USP42: variants seen among roughly 807,000 people sequenced by gnomAD.
USP42 encodes ubiquitin specific peptidase 42, also known as ubiquitin carboxyl-terminal hydrolase 42.
USP42 carries 23 observed loss-of-function variants against 113.0 expected under a neutral mutation model. That is an observed-to-expected ratio of 0.20 (90% CI 0.15 to 0.29). USP42 has a LOEUF of 0.29. Ranked by LOEUF, USP42 falls within the 10% of genes least tolerant of loss-of-function variation. The probability of loss-of-function intolerance (pLI) is 1.00; values close to 1 mark genes in which losing one functional copy is unlikely to be tolerated. For synonymous variants in USP42, 933 were observed against 699.0 expected, an observed-to-expected ratio of 1.33 and a Z score of -5.28; for missense variants, 2,174 against 1,779.8, an observed-to-expected ratio of 1.22 and a Z score of -3.99.
intron 1 of USP42, among the ~76,000 whole-genome samples, chr7:6,108,220 C>T (rs375750717): frequency 5.9e-5 from 9 of 151,940 alleles, no homozygotes; most frequent in South Asian, 2.1e-4. Flanking sequence ...AAAAAAATTA[C>T]AAGTAACAAA....
intron 17 of USP42, 76 bp from the exon 18 acceptor site, chr7:6,160,479 G>A (rs936152802): frequency 3.3e-5 from 5 of 152,174 alleles, no homozygotes; most frequent in African/African-American, 1.2e-4. Flanking sequence ...GGAGCAGCTG[G>A]CAGGGCGTCC....
intron 3 of USP42, among the ~76,000 whole-genome samples, chr7:6,122,789 A>T (rs117536319): frequency 0.027 from 4,119 of 150,806 alleles, 107 homozygotes; most frequent in East Asian, 0.068. Flanking sequence ...TTTTAAATAG[A>T]GATAGGGTCT....
At chr7:6,106,084 C>T (rs1281382776) in intron 1 of USP42, among the ~76,000 whole-genome samples, 4 of 152,128 alleles carry the variant, frequency 2.6e-5, no homozygotes, top group Non-Finnish European at 5.9e-5. Flanking sequence ...ATTCAAATTG[C>T]CTAGGGGATA....
At chr7:6,135,214 T>A (rs768988496) in intron 3 of USP42, among the ~76,000 whole-genome samples, 56 of 152,202 alleles carry the variant, frequency 3.7e-4, no homozygotes, top group Non-Finnish European at 4.4e-5. Flanking sequence ...GGCTTTCAAA[T>A]TTGAAAGAGT....
the USP42 span, among the ~76,000 whole-genome samples, chr7:6,097,732 A>C: frequency 6.7e-6 from 1 of 149,272 alleles, no homozygotes; most frequent in African/African-American, 2.5e-5. Context: ...CTGTGACTAC[A>C]GGCGGCCGCC....
chr7:6,111,483 A>C, intron 2 of USP42, 109 bp downstream of exon 2: 1 of 1,304,070 alleles, frequency 7.7e-7, no homozygotes, highest in South Asian at 1.5e-5. Flanking sequence ...AGGCCACCTG[A>C]GTGGCCAGCA....
In USP42 at chr7:6,155,184, C is replaced by T; in HGVS notation, c.3630C>T (p.Asp1210=). ...AGAAATCCAAAGACAAACACCGAGA[C>T]CGCGACTCCAGGTGAGCCTGGGGCC... is the stretch of plus-strand genomic sequence containing the variant. ...KKKKSKDKHR[D]RDSRHQQDSD... The change falls in exon 15 of 18, where the codon GAC becomes GAT. Residue 1210 remains aspartate, a synonymous_variant. Coordinates refer to ENST00000306177, the MANE Select transcript of USP42 (RefSeq NM_032172.3). 1 of 1,532,372 alleles carries T rather than the reference C, an allele frequency of 6.5e-7. No individual in the cohort carries two copies. The highest frequency in any genetic ancestry group is 2.4e-5 in the East Asian group (1 of 40,882). The allele number at this position is 1,532,372 out of a possible 1,614,324, so 94.9% of individuals were successfully genotyped here. A position where few individuals can be genotyped will look rare whatever the true frequency, so the allele number is the denominator to read the frequency against.
Position 6,147,784 on chromosome 7 carries a change from T to C in USP42, c.1278T>C (p.His426=). 6.2e-7 allele frequency: 1 copy of C among 1,605,896 alleles called. No homozygotes were observed. The highest frequency in any genetic ancestry group is 8.5e-7 in the Non-Finnish European group (1 of 1,174,030). ...GAGGTGAACTTACTCATCCCACCCA[T>C]AGCCCCGGCCAGTCCTCTCCCCGCC... is the stretch of plus-strand genomic sequence containing the variant. ...KNGGELTHPT[H]SPGQSSPRPV... The change falls in exon 12 of 18, where the codon CAT becomes CAC. Residue 426 remains histidine, a synonymous_variant. Coordinates refer to ENST00000306177, the MANE Select transcript of USP42 (RefSeq NM_032172.3).
intron 13 of USP42, 26 bp from the exon 14 acceptor site, chr7:6,150,386 C>G (rs1781975841): frequency 1.2e-6 from 2 of 1,612,522 alleles, no homozygotes; most frequent in Non-Finnish European, 1.7e-6. Flanking sequence ...GCGACTGAAG[C>G]TGAAATATTT....
At chr7:6,100,004 C>CTATTTTTATTTTTATTAT (rs141280623), upstream of USP42, among the ~76,000 whole-genome samples, 1 of 144,290 alleles carries the variant, frequency 6.9e-6, no homozygotes, top group Non-Finnish European at 1.5e-5. Context: ...TTTCACAAGT[C>CTATTTTTATTTTTATTAT]TATTATTATT....
In USP42 at chr7:6,153,823, G is replaced by T. The variant is rs752593817; in HGVS notation, c.2269G>T (p.Ala757Ser). 1 of 1,534,440 alleles carries T rather than the reference G, an allele frequency of 6.5e-7. No homozygotes were observed. Among genetic ancestry groups the T allele is most frequent in the Non-Finnish European group, 8.8e-7 (1 of 1,138,910 alleles). Residue 757 changes from alanine (A) to serine (S), a missense_variant, in exon 15 of 18, where the codon GCC (alanine) becomes TCC (serine). Physicochemically the swap from Ala to Ser is moderately conservative, Grantham distance 99. Transcript: ENST00000306177. ...CGAGCCTCAGCCTGGCAGCCCCGCC[G>T]CCGAATCCCTGGAGGAGCCAGATGC... The part of the protein sequence containing the change: ...DAEPQPGSPA[A>S]ESLEEPDAAA...
At chr7:6,121,001 G>A (rs911048588) in intron 3 of USP42, among the ~76,000 whole-genome samples, 1 of 151,360 alleles carries the variant, frequency 6.6e-6, no homozygotes. Flanking sequence ...CTTATATCTT[G>A]GAACCTTAAG....
intron 3 of USP42, among the ~76,000 whole-genome samples, chr7:6,115,832 C>T (rs913958019): frequency 6.6e-6 from 1 of 152,118 alleles, no homozygotes; most frequent in African/African-American, 2.4e-5. Context: ...ATTAGCTGGG[C>T]TCACACCTGT....
intron 3 of USP42, among the ~76,000 whole-genome samples, chr7:6,123,815 G>A (rs1409013455): frequency 1.6e-5 from 2 of 127,626 alleles, no homozygotes; most frequent in Non-Finnish European, 1.6e-5. Context: ...CCAGGGCAAC[G>A]AAAGGAGACC....
In USP42 at chr7:6,149,966, G is replaced by A. The variant is rs1261861911; in HGVS notation, c.1770G>A (p.Gln590=). 3.7e-6 allele frequency: 6 copies of A among 1,613,782 alleles called. No individual in the cohort carries two copies. The African/African-American group carries it at 6.7e-5, about 18-fold the overall frequency. Residue 590 remains glutamine, a synonymous_variant, in exon 13 of 18, where the codon CAG becomes CAA. Transcript: ENST00000306177. ...KPIPRSESCS[Q]PVMNGKSKLN... ...TCCCCCGCAGTGAATCCTGCTCCCA[G>A]CCCGTGATGAATGGCAAATCCAAGC... is the stretch of plus-strand genomic sequence containing the variant.
At chr7:6,094,430 TA>T in the USP42 span, among the ~76,000 whole-genome samples, 1 of 151,012 alleles carries the variant, frequency 6.6e-6, no homozygotes, top group East Asian at 1.9e-4. Flanking sequence ...CTCGGCCTCC[TA>T]AAGTGCTGGG....
chr7:6,139,263 T>C lies in USP42; in HGVS notation c.656+69T>C. The C allele has an allele frequency of 1.6e-6, 2 of 1,274,136 alleles. No homozygotes were observed. 78.9% of individuals were successfully genotyped at this position (1,274,136 alleles called of 1,614,324 possible). A position where few individuals can be genotyped will look rare whatever the true frequency, so the allele number is the denominator to read the frequency against. On this transcript the variant is annotated intron_variant, in intron 5 of 17. Transcript: ENST00000306177. This position sits in a 1 kb window ranked among gnomAD's most constrained non-coding sequence, Gnocchi z 4.5. ...TGGTTGTAGTTTATTCTTATCAGAA[T>C]TCATTTTCACCTTTTTTGTTGGAAG...
Position 6,156,855 on chromosome 7 carries a change from A to T in USP42, c.3743A>T (p.Glu1248Val). 1 of 1,610,972 alleles carries T rather than the reference A, an allele frequency of 6.2e-7. No homozygotes were observed. The highest frequency in any genetic ancestry group is 8.5e-7 in the Non-Finnish European group (1 of 1,179,160). The change falls in exon 16 of 18, where the codon GAG (glutamate) becomes GTG (valine). Residue 1248 changes from glutamate (E) to valine (V), a missense_variant. By Grantham distance (121) the Glu-to-Val change is moderately radical (BLOSUM62 -2). Transcript: ENST00000306177. ...AAGAAGAGACATTCAAGAAAATCAGAGGACTTTGTTAAAGATTCAGAACTG... is the reference window on the plus strand; with the variant it reads ...AAGAAGAGACATTCAAGAAAATCAGTGGACTTTGTTAAAGATTCAGAACTG... The part of the protein sequence containing the change: ...KKKKRHSRKS[E>V]DFVKDSELHL...
intron 1 of USP42, among the ~76,000 whole-genome samples, chr7:6,105,694 A>G (rs1779241102): frequency 6.6e-6 from 1 of 152,196 alleles, no homozygotes; most frequent in Non-Finnish European, 1.5e-5. Flanking sequence ...GCGCGTCCCC[A>G]AAAGCATGTG....
Sources: allele counts gnomAD v4.1 joint callset (sites outside exome capture counted in the v4.1 genomes callset), GRCh38; gene constraint gnomAD v4.1.1; non-coding constraint Gnocchi (gnomAD v3.1); transcripts MANE v1.5; gene names NCBI Gene and HGNC (gene_info 2026-07-23, HGNC 2026-07-21).